RANBP2: variants seen among roughly 807,000 people sequenced by gnomAD.
RANBP2 encodes the protein E3 SUMO-protein ligase RanBP2.
In RANBP2, 57 loss-of-function variants were observed where a neutral mutation model predicts 303.6. The ratio of observed to expected loss-of-function variants is 0.19; its 90% CI spans 0.15 to 0.23. The LOEUF (loss-of-function observed/expected upper bound fraction) is 0.23. RANBP2 is among the 10% of genes least tolerant of loss of function. The probability of loss-of-function intolerance (pLI) is 1.00; values close to 1 mark genes in which losing one functional copy is unlikely to be tolerated. For missense variants in RANBP2, 3,138 were observed against 3,780.8 expected, an observed-to-expected ratio of 0.83 and a Z score of 4.46; for synonymous variants, 1,167 against 1,301.5, an observed-to-expected ratio of 0.90 and a Z score of 2.23.
At chr2:109,406,038 C>T in the RANBP2 span, among the ~76,000 whole-genome samples, 1 of 152,194 alleles carries the variant, frequency 6.6e-6, no homozygotes, top group African/African-American at 2.4e-5. Flanking sequence ...GACACAGCTG[C>T]GGGGCTCTGG....
chr2:109,386,315 G>A, the RANBP2 span, among the ~76,000 whole-genome samples: 28 of 152,166 alleles, frequency 1.8e-4, 1 homozygote, highest in Non-Finnish European at 3.1e-4. Flanking sequence ...GTGACATTGT[G>A]TGGCTTCTGC....
At chr2:109,415,477 G>A in the RANBP2 span, among the ~76,000 whole-genome samples, 5 of 152,148 alleles carry the variant, frequency 3.3e-5, no homozygotes, top group Non-Finnish European at 5.9e-5. Context: ...TACAGTCGCG[G>A]CTGCTATTCC....
the RANBP2 span, among the ~76,000 whole-genome samples, chr2:109,448,753 T>C: frequency 6.6e-6 from 1 of 152,316 alleles, no homozygotes; most frequent in East Asian, 1.9e-4. Flanking sequence ...GTAATGCACT[T>C]GAATCATCCC....
chr2:108,742,875 A>T (rs572632023), intron 7 of RANBP2, among the ~76,000 whole-genome samples: 1 of 151,564 alleles, frequency 6.6e-6, no homozygotes, highest in Non-Finnish European at 1.5e-5. Context: ...TGCAAGCTCC[A>T]CCTCCTGGGT....
At chr2:109,238,592 CA>C in the RANBP2 span, among the ~76,000 whole-genome samples, 1 of 151,772 alleles carries the variant, frequency 6.6e-6, no homozygotes, top group Non-Finnish European at 1.5e-5. Context: ...GACATTTTTT[CA>C]GGAATTCTTT....
the RANBP2 span, among the ~76,000 whole-genome samples, chr2:108,852,781 ATAAC>A: frequency 6.6e-6 from 1 of 152,274 alleles, no homozygotes; most frequent in South Asian, 2.1e-4. Flanking sequence ...ATCAGGAAAA[ATAAC>A]TAATGGGTAC....
At chr2:108,720,233 C>T in intron 1 of RANBP2, 10 of 904,842 alleles carry the variant, frequency 1.1e-5, no homozygotes, top group Non-Finnish European at 1.3e-5. Flanking sequence ...ACTGAAAGTC[C>T]CCTTGTTTTG....
chr2:109,579,213 C>T, the RANBP2 span, among the ~76,000 whole-genome samples: 4 of 152,122 alleles, frequency 2.6e-5, no homozygotes, highest in African/African-American at 9.7e-5. Flanking sequence ...TTATAACTTA[C>T]AAAACTGTCT....
chr2:109,228,328 T>G, the RANBP2 span, among the ~76,000 whole-genome samples: 2 of 152,226 alleles, frequency 1.3e-5, no homozygotes, highest in Non-Finnish European at 2.9e-5. Context: ...GTAGACAGCA[T>G]CTCTGTTAGT....
the RANBP2 span, among the ~76,000 whole-genome samples, chr2:109,607,707 A>C: frequency 6.6e-6 from 1 of 152,132 alleles, no homozygotes; most frequent in Admixed American, 6.5e-5. Flanking sequence ...GTTCTAGATA[A>C]ACCTTGAAAA....
chr2:109,247,119 G>A, the RANBP2 span, among the ~76,000 whole-genome samples: 26 of 152,160 alleles, frequency 1.7e-4, no homozygotes, highest in African/African-American at 5.8e-4. Context: ...GTAATCCCAT[G>A]GGTGTATGGA....
At chr2:108,916,562 G>T in the RANBP2 span, among the ~76,000 whole-genome samples, 1 of 152,162 alleles carries the variant, frequency 6.6e-6, no homozygotes, top group African/African-American at 2.4e-5. Flanking sequence ...TCACCGGATG[G>T]TTCCCTCCAA....
At chr2:109,672,569 C>T in the RANBP2 span, among the ~76,000 whole-genome samples, 9 of 152,110 alleles carry the variant, frequency 5.9e-5, no homozygotes, top group Admixed American at 1.3e-4. Context: ...CTCTTTTATT[C>T]CTAGTGTTAC....
the RANBP2 span, among the ~76,000 whole-genome samples, chr2:109,322,016 TG>T: frequency 6.6e-6 from 1 of 152,242 alleles, no homozygotes; most frequent in Non-Finnish European, 1.5e-5. Context: ...AAGAAGTGGA[TG>T]GCTCTTTTTA....
At chr2:109,587,919 A>C in the RANBP2 span, among the ~76,000 whole-genome samples, 7 of 151,894 alleles carry the variant, frequency 4.6e-5, no homozygotes, top group Non-Finnish European at 1.0e-4. Flanking sequence ...TCTCCAAAAA[A>C]AAAAACAAAA....
At chr2:108,880,215 A>G in the RANBP2 span, among the ~76,000 whole-genome samples, 1 of 3,940 alleles carries the variant, frequency 2.5e-4, no homozygotes, top group Non-Finnish European at 3.9e-4. Flanking sequence ...AACAACAAAC[A>G]AAAACAAACA....
chr2:109,585,805 CAGA>C, the RANBP2 span: 3 of 1,613,394 alleles, frequency 1.9e-6, no homozygotes, highest in Non-Finnish European at 8.5e-7. Context: ...CCAACATGGC[CAGA>C]CATAGTCAAC....
At chr2:109,569,024 A>T in the RANBP2 span, among the ~76,000 whole-genome samples, 1 of 152,214 alleles carries the variant, frequency 6.6e-6, no homozygotes, top group Non-Finnish European at 1.5e-5. Context: ...TAGCTCCACA[A>T]ATTTGTGACT....
At chr2:108,980,458 T>C in the RANBP2 span, among the ~76,000 whole-genome samples, 1 of 152,286 alleles carries the variant, frequency 6.6e-6, no homozygotes, top group Admixed American at 6.5e-5. Context: ...AAGTTCTAGG[T>C]TCAAATATAT....
Sources: allele counts gnomAD v4.1 joint callset (sites outside exome capture counted in the v4.1 genomes callset), GRCh38; gene constraint gnomAD v4.1.1; transcripts MANE v1.5; gene names NCBI Gene and HGNC (gene_info 2026-07-23, HGNC 2026-07-21).